Variants in PTPRB observed in about 807,000 individuals in gnomAD.
PTPRB encodes the protein receptor-type tyrosine-protein phosphatase beta.
A neutral mutation model predicts 238.1 loss-of-function variants in PTPRB; 97 were observed. The ratio of observed to expected loss-of-function variants is 0.41; its 90% CI spans 0.35 to 0.48. The LOEUF (loss-of-function observed/expected upper bound fraction) is 0.48, where lower values mean the gene tolerates loss of function less well. Ranked by LOEUF, PTPRB falls within the 20% of genes least tolerant of loss-of-function variation. The probability of loss-of-function intolerance (pLI) is 0.30; values close to 1 mark genes in which losing one functional copy is unlikely to be tolerated. For missense variants in PTPRB, 2,292 were observed against 2,681.9 expected (o/e 0.85, Z 3.21); for synonymous variants, 970 against 995.4 (o/e 0.97, Z 0.48).
chr12:70,524,658 C>A (rs1872077861), intron 32 of PTPRB, 67 bp from the exon 33 acceptor site: 1 of 1,472,700 alleles, frequency 6.8e-7, no homozygotes, highest in African/African-American at 1.4e-5. Context: ...GAGAAACTCA[C>A]AAACTGTTGA....
At chr12:70,602,406 G>A (rs11178323) in intron 4 of PTPRB, among the ~76,000 whole-genome samples, 32,253 of 152,120 alleles carry the variant, frequency 0.21, 3,557 homozygotes, top group East Asian at 0.28. Flanking sequence ...CTAAAATGCT[G>A]TATAAATGCA....
intron 21 of PTPRB, among the ~76,000 whole-genome samples, chr12:70,549,654 G>A (rs1301373535): frequency 6.6e-6 from 1 of 152,158 alleles, no homozygotes; most frequent in African/African-American, 2.4e-5. Context: ...CTGTGGTAAT[G>A]ACTGTCTTGA....
intron 3 of PTPRB, among the ~76,000 whole-genome samples, chr12:70,610,161 G>A (rs1485158236): frequency 6.6e-6 from 1 of 152,164 alleles, no homozygotes; most frequent in Non-Finnish European, 1.5e-5. Context: ...GCGCCGGCGA[G>A]GGAGGGAGCC....
intron 18 of PTPRB, 127 bp from the exon 19 acceptor site, chr12:70,556,275 G>A (rs148956960): frequency 3.8e-4 from 328 of 859,588 alleles, no homozygotes; most frequent in Middle Eastern, 1.2e-3. Context: ...ACAGAGTGTC[G>A]TGGCTCACCC....
Position 70,517,165 on chromosome 12 carries a change from T to C in PTPRB, c.*4324A>G, listed in dbSNP as rs1266757931. ...TCTAAAATGCCAAACCCAGTACATT[T>C]AGTTAAATATCTGGTCAATTCAAAA... is the stretch of plus-strand genomic sequence containing the variant. On this transcript the variant is annotated 3_prime_UTR_variant, in exon 34 of 34. Coordinates refer to ENST00000334414, the MANE Select transcript of PTPRB (RefSeq NM_001109754.4). 3 of 152,194 alleles carry C rather than the reference T, an allele frequency of 2.0e-5. No homozygotes were observed. The East Asian group carries it at 5.8e-4, about 29-fold the overall frequency. 9.4% of individuals were successfully genotyped at this position (152,194 alleles called of 1,614,324 possible). A position where few individuals can be genotyped will look rare whatever the true frequency, so the allele number is the denominator to read the frequency against.
intron 16 of PTPRB, among the ~76,000 whole-genome samples, chr12:70,561,559 A>C (rs1357820891): frequency 1.3e-5 from 2 of 152,194 alleles, no homozygotes; most frequent in African/African-American, 4.8e-5. Context: ...AGATGTGCAA[A>C]GGGTGGGTTG....
At chr12:70,610,397 C>T in intron 3 of PTPRB, among the ~76,000 whole-genome samples, 1 of 150,768 alleles carries the variant, frequency 6.6e-6, no homozygotes, top group Non-Finnish European at 1.5e-5. Context: ...CCACCCCCGC[C>T]CCTTTCCTCC....
intron 4 of PTPRB, among the ~76,000 whole-genome samples, chr12:70,604,003 T>C (rs1350972771): frequency 1.3e-5 from 2 of 152,132 alleles, no homozygotes; most frequent in East Asian, 1.9e-4. Flanking sequence ...TTTTATATGC[T>C]ATAAAAGCAC....
At chr12:70,631,392 C>G (rs1885444848) in intron 2 of PTPRB, among the ~76,000 whole-genome samples, 1 of 152,152 alleles carries the variant, frequency 6.6e-6, no homozygotes, top group Non-Finnish European at 1.5e-5. Flanking sequence ...AAAGCTGAAA[C>G]TGGATCCCTT....
At chr12:70,572,178 G>A in intron 11 of PTPRB, 91 bp from the exon 12 acceptor site, 1 of 1,280,982 alleles carries the variant, frequency 7.8e-7, no homozygotes, top group East Asian at 2.3e-5. Context: ...AAAAGAGAGA[G>A]TAGATTATTA....
chr12:70,593,871 A>C (rs1393775454), intron 6 of PTPRB, among the ~76,000 whole-genome samples: 1 of 152,220 alleles, frequency 6.6e-6, no homozygotes, highest in Non-Finnish European at 1.5e-5. Context: ...CTGTGAGGGC[A>C]AAGACTTTGT....
intron 2 of PTPRB, among the ~76,000 whole-genome samples, chr12:70,632,788 A>G (rs74101507): frequency 0.016 from 2,407 of 152,266 alleles, 74 homozygotes; most frequent in African/African-American, 0.054. Flanking sequence ...TAAAAATACA[A>G]TACCTCATTT....
Position 70,519,462 on chromosome 12 carries a change from T to G in PTPRB, c.*2027A>C, listed in dbSNP as rs1592372857. Reference sequence around the variant, plus strand: ...ATCCTAACTTTATGAGGATTCTCTTTATGTGAGTAGAAATGTGTAGATTCT... The same window carrying G: ...ATCCTAACTTTATGAGGATTCTCTTGATGTGAGTAGAAATGTGTAGATTCT... On this transcript the variant is annotated 3_prime_UTR_variant, in exon 34 of 34. Transcript: ENST00000334414. 6.6e-6 allele frequency: 1 copy of G among 152,182 alleles called. No homozygotes were observed. The highest frequency in any genetic ancestry group is 2.4e-5 in the African/African-American group (1 of 41,446). 9.4% of individuals were successfully genotyped at this position (152,182 alleles called of 1,614,324 possible). A position where few individuals can be genotyped will look rare whatever the true frequency, so the allele number is the denominator to read the frequency against.
intron 33 of PTPRB, among the ~76,000 whole-genome samples, chr12:70,524,003 G>C (rs1406155481): frequency 6.6e-6 from 1 of 151,818 alleles, no homozygotes; most frequent in Non-Finnish European, 1.5e-5. Context: ...TAGAGATGGG[G>C]TTTCATCATG....
Position 70,622,594 on chromosome 12 carries a change from G to A in PTPRB, c.504C>T (p.Pro168=). 1 of 1,589,570 alleles carries A rather than the reference G, an allele frequency of 6.3e-7. No individual in the cohort carries two copies. Among genetic ancestry groups the A allele is most frequent in the African/African-American group, 1.3e-5 (1 of 74,510 alleles). Reference sequence around the variant, plus strand: ...CTGCATTAAAGGTAGTGAGAATCTGGGGTGGAGCCGTGTTTCTAGTGCTCC... The same window carrying A: ...CTGCATTAAAGGTAGTGAGAATCTGAGGTGGAGCCGTGTTTCTAGTGCTCC... ...SVRSTRNTAP[P]QILTTFNAVP... is the part of the protein sequence containing the mutation. Residue 168 remains proline (P), a synonymous_variant, in exon 3 of 34, where the codon CCC becomes CCT. Transcript: ENST00000334414.
intron 4 of PTPRB, among the ~76,000 whole-genome samples, chr12:70,598,222 G>T (rs917123356): frequency 1.4e-5 from 2 of 143,580 alleles, no homozygotes; most frequent in South Asian, 2.2e-4. Context: ...TAACCTCCCT[G>T]TGCCTCAGTT....
chr12:70,555,450 A>T, intron 19 of PTPRB, 141 bp from the exon 20 acceptor site: 1 of 827,100 alleles, frequency 1.2e-6, no homozygotes, highest in East Asian at 2.8e-5. Flanking sequence ...TTAATGCTGT[A>T]ATCAAGAAAC....
rs186100671 is a variant in PTPRB, at chr12:70,517,643, A to C, written c.*3846T>G. Reference sequence around the variant, plus strand: ...AGTTATATTTTCATTTCCTCAGTGAAATGGAACCCAGAAAGCCCTTGAACT... The same window carrying C: ...AGTTATATTTTCATTTCCTCAGTGACATGGAACCCAGAAAGCCCTTGAACT... On this transcript the variant is annotated 3_prime_UTR_variant, in exon 34 of 34. Transcript: ENST00000334414. The C allele has an allele frequency of 6.6e-6, 1 of 152,288 alleles. No individual in the cohort carries two copies. Among genetic ancestry groups the C allele is most frequent in the East Asian group, 1.9e-4 (1 of 5,182 alleles). 9.4% of individuals were successfully genotyped at this position (152,288 alleles called of 1,614,324 possible).
At chr12:70,627,514 C>A (rs534416394) in intron 2 of PTPRB, among the ~76,000 whole-genome samples, 8 of 151,974 alleles carry the variant, frequency 5.3e-5, no homozygotes, top group Non-Finnish European at 1.0e-4. Context: ...ACATGAAAAT[C>A]TATTATTTTA....
Sources: gnomAD v4.1 joint callset for allele counts (sites outside exome capture counted in the v4.1 genomes callset) on GRCh38, gnomAD v4.1.1 for gene constraint, MANE v1.5 for transcripts, NCBI Gene and HGNC (gene_info 2026-07-23, HGNC 2026-07-21) for gene names.